Variants in CILP2 observed in about 807,000 individuals in gnomAD.
CILP2 encodes cartilage intermediate layer protein 2, also known as CILP-2.
CILP2 carries 38 observed loss-of-function variants against 45.6 expected under a neutral mutation model. That is an observed-to-expected ratio of 0.83 (90% CI 0.64 to 1.09). CILP2 has a LOEUF of 1.09. Among genes scored for constraint, CILP2 ranks in the 50% least tolerant of loss-of-function variants. CILP2 has a pLI of 0.00. For missense variants in CILP2, 1,735 were observed against 1,662.2 expected, an observed-to-expected ratio of 1.04 and a Z score of -0.76; for synonymous variants, 780 against 723.5, an observed-to-expected ratio of 1.08 and a Z score of -1.25.
chr19:19,542,135 T>C (rs566712561), intron 4 of CILP2, among the ~76,000 whole-genome samples: 2 of 152,150 alleles, frequency 1.3e-5, no homozygotes, highest in African/African-American at 2.4e-5. Flanking sequence ...TCCCCTCCTA[T>C]AGGACCTCTT....
chr19:19,539,827 G>C, intron 2 of CILP2, 50 bp downstream of exon 2: 1 of 1,453,796 alleles, frequency 6.9e-7, no homozygotes, highest in East Asian at 2.5e-5. Context: ...CTTGTTGGGG[G>C]TGGGGCTTGG....
rs532951417 is a variant in CILP2 at position 19,544,925 on chromosome 19, C to T, written c.2380C>T (p.Pro794Ser). Residue 794 changes from proline (P) to serine (S), a missense_variant, in exon 8 of 8, where the codon CCC (proline) becomes TCC (serine). By Grantham distance (74) the Pro-to-Ser change is moderately conservative (BLOSUM62 -1). Transcript: ENST00000291495. Reference protein sequence around the residue: ...AVTGPNGACLPAFCDADRPDA... With the variant: ...AVTGPNGACLSAFCDADRPDA... Reference sequence around the variant, plus strand: ...CACCGGCCCCAATGGCGCCTGCCTCCCCGCCTTCTGCGACGCCGACAGGCC... The same window carrying T: ...CACCGGCCCCAATGGCGCCTGCCTCTCCGCCTTCTGCGACGCCGACAGGCC... 2.5e-4 allele frequency: 396 copies of T among 1,591,542 alleles called. 3 individuals carry two copies. In the South Asian group the frequency reaches 4.1e-3, roughly 17 times the overall value.
In CILP2 at chr19:19,545,970, G is replaced by A. The variant is rs775866951; in HGVS notation, c.3425G>A (p.Arg1142Gln). The A allele has an allele frequency of 6.5e-6, 10 of 1,535,684 alleles. No individual in the cohort carries two copies. The East Asian group carries it at 6.9e-5, about 11-fold the overall frequency. Residue 1142 changes from arginine (R) to glutamine (Q), a missense_variant, in exon 8 of 8, where the codon CGG becomes CAG. Arg to Gln is a conservative substitution (Grantham distance 43). Coordinates refer to ENST00000291495, the MANE Select transcript of CILP2 (RefSeq NM_153221.2). ...AGCGAGGCGGCGCAGGCACAGGCCC[G>A]GGCCTCAGGTCCCCTCCGCACCCGC... is the stretch of plus-strand genomic sequence containing the variant. ...EMSEAAQAQA[R>Q]ASGPLRTRRG...
Position 19,545,845 on chromosome 19 carries a change from C to A in CILP2, c.3300C>A (p.Val1100=). The A allele has an allele frequency of 6.3e-7, 1 of 1,585,242 alleles. No homozygotes were observed. Among genetic ancestry groups the A allele is most frequent in the Non-Finnish European group, 8.6e-7 (1 of 1,160,540 alleles). ...REMKADAGTA[V]TFQCREPPAG... is the part of the protein sequence containing the mutation. ...TGAAGGCTGATGCCGGCACAGCCGTCACCTTCCAGTGCCGGGAGCCACCGG... is the reference window on the plus strand; with the variant it reads ...TGAAGGCTGATGCCGGCACAGCCGTAACCTTCCAGTGCCGGGAGCCACCGG... Residue 1100 remains valine (V), a synonymous_variant, in exon 8 of 8, where the codon GTC becomes GTA. Transcript: ENST00000291495.
intron 4 of CILP2, among the ~76,000 whole-genome samples, chr19:19,541,692 G>A (rs1211813182): frequency 6.6e-6 from 1 of 152,198 alleles, no homozygotes; most frequent in Non-Finnish European, 1.5e-5. Context: ...CACGTGCATG[G>A]CATTTGCAGC....
At position 19,539,730 on chromosome 19, in the gene CILP2, G is replaced by A. The variant is rs774966314; in HGVS notation, c.116G>A (p.Arg39Gln). The change falls in exon 2 of 8, where the codon CGG (arginine) becomes CAG (glutamine). Residue 39 changes from arginine (R) to glutamine (Q), a missense_variant. Coordinates refer to ENST00000291495, the MANE Select transcript of CILP2 (RefSeq NM_153221.2). ...PMATALGLER[R>Q]SVYTGQPSPA... ...GCGACTGCACTGGGCCTGGAAAGAC[G>A]GTCCGTGTACACCGGCCAGCCCTCA... The A allele has an allele frequency of 6.2e-7, 1 of 1,607,270 alleles. No homozygotes were observed. Among genetic ancestry groups the A allele is most frequent in the Non-Finnish European group, 8.5e-7 (1 of 1,176,228 alleles).
At chr19:19,540,629 A>G (rs1486363522) in intron 3 of CILP2, 153 bp downstream of exon 3, 1 of 887,900 alleles carries the variant, frequency 1.1e-6, no homozygotes, top group African/African-American at 1.8e-5. Context: ...GCGTAGGACG[A>G]CGTCAGGGGG....
Position 19,541,330 on chromosome 19 carries a change from G to A in CILP2, c.592+84G>A, listed in dbSNP as rs1022831101. The stretch of plus-strand genomic sequence containing the variant: ...GGGGCTGAGCCTGGGAGAGAGGGTG[G>A]AGTTAGAGGCGGTGCCTGGATGTAG... On this transcript the variant is annotated intron_variant, in intron 4 of 7. Transcript: ENST00000291495. 29 of 1,169,432 alleles carry A rather than the reference G, an allele frequency of 2.5e-5. No individual in the cohort carries two copies. In the East Asian group the frequency reaches 8.8e-4, roughly 36 times the overall value. The allele number at this position is 1,169,432 out of a possible 1,614,324, so 72.4% of individuals were successfully genotyped here.
In CILP2 at chr19:19,538,424, T is replaced by TCCAGCCCACGCGC. The variant is rs752386580; in HGVS notation, c.64+18_64+19insACGCGCCCAGCCC. On this transcript the variant is annotated intron_variant, in intron 1 of 7. Transcript: ENST00000291495. ...TGGCGGGGGCCCGAGGTGAGGCGCC[T>TCCAGCCCACGCGC]CCAGCCCCCGCGCCCAGCCCCTGAG... 3 of 1,526,892 alleles carry TCCAGCCCACGCGC rather than the reference T, an allele frequency of 2.0e-6. No homozygotes were observed. The South Asian group carries it at 3.6e-5, about 18-fold the overall frequency. 94.6% of individuals were successfully genotyped at this position (1,526,892 alleles called of 1,614,324 possible).
chr19:19,543,446 A>T, intron 7 of CILP2, 41 bp downstream of exon 7: 1 of 1,608,568 alleles, frequency 6.2e-7, no homozygotes, highest in East Asian at 2.2e-5. Context: ...GCCTTCACCC[A>T]AACGGAACCC....
intron 1 of CILP2, 58 bp downstream of exon 1, chr19:19,538,471 G>A (rs2061230955): frequency 3.0e-6 from 4 of 1,346,520 alleles, no homozygotes; most frequent in South Asian, 3.1e-5. Flanking sequence ...CCTGGCAGCC[G>A]GCCTTGGGTG....
rs753625379 is a variant in CILP2 at position 19,545,406 on chromosome 19, G to A, written c.2861G>A (p.Arg954His). 1.9e-6 allele frequency: 3 copies of A among 1,612,636 alleles called. No individual in the cohort carries two copies. The highest frequency in any genetic ancestry group is 1.7e-6 in the Non-Finnish European group (2 of 1,179,842). The part of the protein sequence containing the change: ...KIQGPQEYMV[R>H]SHNAGGSHPR... ...CAGGGTCCCCAGGAGTATATGGTCC[G>A]CTCCCACAACGCAGGGGGCAGCCAC... The change falls in exon 8 of 8, where the codon CGC becomes CAC. Residue 954 changes from arginine (R) to histidine (H), a missense_variant. By Grantham distance (29) the Arg-to-His change is conservative. Coordinates refer to ENST00000291495, the MANE Select transcript of CILP2 (RefSeq NM_153221.2).
chr19:19,540,045 GC>G, intron 2 of CILP2, 158 bp from the exon 3 acceptor site: 2 of 1,034,926 alleles, frequency 1.9e-6, no homozygotes, highest in Non-Finnish European at 2.7e-6. Context: ...AACCCAGTCT[GC>G]CCTGCACCTG....
Position 19,538,307 on chromosome 19 carries a change from C to G in CILP2, c.-43C>G. 6.5e-7 allele frequency: 1 copy of G among 1,536,094 alleles called. No homozygotes were observed. Among genetic ancestry groups the G allele is most frequent in the South Asian group, 1.2e-5 (1 of 85,054 alleles). ...GACCCGCCGGAGTTGGACCCGAGCA[C>G]GCCGCGGAGCCCGGACCCTCCCTCG... is the stretch of plus-strand genomic sequence containing the variant. On this transcript the variant is annotated 5_prime_UTR_variant, in exon 1 of 8. Coordinates refer to ENST00000291495, the MANE Select transcript of CILP2 (RefSeq NM_153221.2).
rs1328295917 is a variant in CILP2 at position 19,542,364 on chromosome 19, T to C, written c.593-11T>C. ...GTTTCTCTGTCCTGCTTCCTCTCCA[T>C]ATCCCCCCAGGGTGCAGCCTTGACA... is the stretch of plus-strand genomic sequence containing the variant. On this transcript the variant is annotated splice_polypyrimidine_tract_variant and intron_variant, in intron 4 of 7. Coordinates refer to ENST00000291495, the MANE Select transcript of CILP2 (RefSeq NM_153221.2). The C allele has an allele frequency of 3.1e-6, 5 of 1,602,500 alleles. No individual in the cohort carries two copies. Among genetic ancestry groups the C allele is most frequent in the Non-Finnish European group, 2.6e-6 (3 of 1,173,498 alleles).
chr19:19,540,772 C>T, intron 3 of CILP2: 1 of 451,066 alleles, frequency 2.2e-6, no homozygotes, highest in Non-Finnish European at 3.9e-6. Flanking sequence ...CCGCTGCCCT[C>T]ATTTGAGCAT....
At position 19,543,752 on chromosome 19, in the gene CILP2, C is replaced by G. The variant is rs373131861; in HGVS notation, c.1207C>G (p.Pro403Ala). 1.9e-6 allele frequency: 3 copies of G among 1,613,596 alleles called. No individual in the cohort carries two copies. In the African/African-American group the frequency reaches 4.0e-5, roughly 21 times the overall value. ...CAAGCTCCCTGAGGACTGTGGTCAGCCAGGTAGTGGCCCTGCCTACCTGGA... is the reference window on the plus strand; with the variant it reads ...CAAGCTCCCTGAGGACTGTGGTCAGGCAGGTAGTGGCCCTGCCTACCTGGA... ...LIKLPEDCGQ[P>A]GSGPAYLDVG... Residue 403 changes from proline to alanine, a missense_variant, in exon 8 of 8, where the codon CCA becomes GCA. Coordinates refer to ENST00000291495, the MANE Select transcript of CILP2 (RefSeq NM_153221.2).
At chr19:19,538,492 C>G (rs929403343) in intron 1 of CILP2, 79 bp downstream of exon 1, 3 of 1,183,632 alleles carry the variant, frequency 2.5e-6, no homozygotes, top group Admixed American at 3.4e-5. Flanking sequence ...AAGCCGCACT[C>G]GGGGAGAGAA....
Position 19,542,477 on chromosome 19 carries a change from A to G in CILP2, c.695A>G (p.Asp232Gly). ...CTAGGAGCCAGGGTCTCCCTGCGAGACCAGCCTGGCACTGTGGCCACCAGC... is the reference window on the plus strand; with the variant it reads ...CTAGGAGCCAGGGTCTCCCTGCGAGGCCAGCCTGGCACTGTGGCCACCAGC... ...PLLGARVSLRDQPGTVATSDA... is the reference protein window; with the variant it reads ...PLLGARVSLRGQPGTVATSDA... The change falls in exon 5 of 8, where the codon GAC becomes GGC. Residue 232 changes from aspartate (D) to glycine (G), a missense_variant. Asp to Gly is a moderately conservative substitution (Grantham distance 94). Transcript: ENST00000291495. 2 of 1,613,484 alleles carry G rather than the reference A, an allele frequency of 1.2e-6. No homozygotes were observed. Among genetic ancestry groups the G allele is most frequent in the Non-Finnish European group, 1.7e-6 (2 of 1,180,002 alleles).
Sources: allele counts gnomAD v4.1 joint callset (sites outside exome capture counted in the v4.1 genomes callset), GRCh38; gene constraint gnomAD v4.1.1; transcripts MANE v1.5; gene names NCBI Gene and HGNC (gene_info 2026-07-23, HGNC 2026-07-21).